Variants in PDZD2 observed in about 807,000 individuals in gnomAD.
PDZD2 encodes the protein PDZ domain containing 2.
In PDZD2, 90 loss-of-function variants were observed where a neutral mutation model predicts 220.7. The ratio of observed to expected loss-of-function variants is 0.41; its 90% CI spans 0.34 to 0.49. The LOEUF is 0.49. PDZD2 is among the 20% of genes least tolerant of loss of function. The probability of loss-of-function intolerance (pLI) is 0.28; values close to 1 mark genes in which losing one functional copy is unlikely to be tolerated. For missense variants in PDZD2, 3,174 were observed against 3,608.5 expected, an observed-to-expected ratio of 0.88 and a Z score of 3.08; for synonymous variants, 1,375 against 1,450.5, an observed-to-expected ratio of 0.95 and a Z score of 1.18.
In PDZD2 at chr5:32,097,173, G is replaced by T. The variant is rs536658364; in HGVS notation, c.7846-106G>T. On this transcript the variant is annotated intron_variant, in intron 21 of 24. Coordinates refer to ENST00000438447, the MANE Select transcript of PDZD2 (RefSeq NM_178140.4). ...CCTGTGGTGAAAAGCCCCTCCAAGAGGACTGACATCAGAGCTTCCTTACTC... is the reference window on the plus strand; with the variant it reads ...CCTGTGGTGAAAAGCCCCTCCAAGATGACTGACATCAGAGCTTCCTTACTC... 1.0e-4 allele frequency: 76 copies of T among 746,798 alleles called. 1 individual carries two copies. In the South Asian group the frequency reaches 1.2e-3, roughly 12 times the overall value. The allele number at this position is 746,798 out of a possible 1,614,324, so 46.3% of individuals were successfully genotyped here.
At chr5:31,667,655 G>A (rs1485290624) in intron 1 of PDZD2, among the ~76,000 whole-genome samples, 1 of 151,798 alleles carries the variant, frequency 6.6e-6, no homozygotes, top group Admixed American at 6.6e-5. Context: ...TGCCCACGGT[G>A]ATGGAATGGG....
At chr5:31,861,008 A>C (rs531942168) in intron 2 of PDZD2, among the ~76,000 whole-genome samples, 2 of 152,318 alleles carry the variant, frequency 1.3e-5, no homozygotes, top group South Asian at 4.1e-4. Flanking sequence ...CATAGGAAAG[A>C]GCTCGCTATC....
intron 1 of PDZD2, among the ~76,000 whole-genome samples, chr5:31,649,211 TC>T (rs910216600): frequency 1.3e-5 from 2 of 152,008 alleles, no homozygotes; most frequent in Non-Finnish European, 1.5e-5. Context: ...GTCGTATCAC[TC>T]CCTGGCTTAA....
chr5:31,756,192 G>A lies in PDZD2; in HGVS notation c.-360-42697G>A, dbSNP rs554360900. On this transcript the variant is annotated intron_variant, in intron 1 of 24. Coordinates refer to ENST00000438447, the MANE Select transcript of PDZD2 (RefSeq NM_178140.4). ...CCCTCCAGGACCCGGGGGTGCCTGTGCCTGGCTCCAGGTCATGCACTCACC... is the reference window on the plus strand; with the variant it reads ...CCCTCCAGGACCCGGGGGTGCCTGTACCTGGCTCCAGGTCATGCACTCACC... 3.4e-3 allele frequency among the ~76,000 whole-genome samples: 520 copies of A among 152,262 alleles called. 2 individuals carry two copies. Among genetic ancestry groups the A allele is most frequent in the Middle Eastern group, 6.8e-3 (2 of 292 alleles).
chr5:32,022,377 T>TG (rs1343246961), intron 6 of PDZD2, among the ~76,000 whole-genome samples: 3 of 150,760 alleles, frequency 2.0e-5, no homozygotes, highest in Admixed American at 6.6e-5. Flanking sequence ...TTTTTTTTTT[T>TG]TTGTATTTTA....
At chr5:32,068,056 T>C (rs1401251147) in intron 14 of PDZD2, among the ~76,000 whole-genome samples, 1 of 151,998 alleles carries the variant, frequency 6.6e-6, no homozygotes, top group Non-Finnish European at 1.5e-5. Flanking sequence ...AATCAAGAGA[T>C]CAAAGTTATC....
chr5:31,877,887 C>A (rs1298070274), intron 2 of PDZD2, among the ~76,000 whole-genome samples: 1 of 152,074 alleles, frequency 6.6e-6, no homozygotes, highest in African/African-American at 2.4e-5. Context: ...TGGGGTTTCA[C>A]CATATTGGCC....
intron 2 of PDZD2, among the ~76,000 whole-genome samples, chr5:31,821,393 T>A (rs533995377): frequency 0.091 from 7,776 of 85,070 alleles, 731 homozygotes; most frequent in African/African-American, 0.26. Context: ...TATTATTTTT[T>A]TTTTTTGAGA....
chr5:32,018,064 A>G (rs1031086552), intron 6 of PDZD2, among the ~76,000 whole-genome samples: 2 of 152,210 alleles, frequency 1.3e-5, no homozygotes, highest in African/African-American at 2.4e-5. Flanking sequence ...GAGGGGAAAA[A>G]AAGAGCCAGG....
intron 7 of PDZD2, among the ~76,000 whole-genome samples, chr5:32,045,337 T>C (rs952277192): frequency 6.6e-6 from 1 of 152,200 alleles, no homozygotes; most frequent in Non-Finnish European, 1.5e-5. Flanking sequence ...TTTCCTTACT[T>C]CATACCCCTT....
chr5:32,055,815 G>A (rs1035827562), intron 10 of PDZD2, among the ~76,000 whole-genome samples: 2 of 152,108 alleles, frequency 1.3e-5, no homozygotes, highest in African/African-American at 4.8e-5. Flanking sequence ...TTAGAGGAAG[G>A]GTTAACTCCC....
chr5:31,661,719 A>C (rs1745768651), intron 1 of PDZD2, among the ~76,000 whole-genome samples: 1 of 151,896 alleles, frequency 6.6e-6, no homozygotes, highest in Non-Finnish European at 1.5e-5. Flanking sequence ...GGACAGTTTG[A>C]GTAAATGAAA....
At chr5:31,816,287 C>CAAAAAAAA (rs34233316) in intron 2 of PDZD2, among the ~76,000 whole-genome samples, 1 of 99,136 alleles carries the variant, frequency 1.0e-5, no homozygotes, top group African/African-American at 4.2e-5. Flanking sequence ...GACTCCATCT[C>CAAAAAAAA]AAAAAAAAAA....
chr5:32,019,181 GC>G (rs1315042007), intron 6 of PDZD2, among the ~76,000 whole-genome samples: 2 of 109,902 alleles, frequency 1.8e-5, no homozygotes, highest in Non-Finnish European at 3.5e-5. Flanking sequence ...TCACTCTGTT[GC>G]CCAGTCTGGA....
intron 1 of PDZD2, chr5:31,665,068 A>T (rs1745929732): frequency 6.6e-6 from 1 of 152,276 alleles, no homozygotes; most frequent in Admixed American, 6.5e-5. Flanking sequence ...TTTGCCTGCT[A>T]TTTCTGCTAC....
At chr5:31,716,492 A>T (rs1748451986) in intron 1 of PDZD2, among the ~76,000 whole-genome samples, 1 of 152,174 alleles carries the variant, frequency 6.6e-6, no homozygotes, top group Admixed American at 6.5e-5. Flanking sequence ...AGGCAGGGTA[A>T]GCAGGTTTAG....
At chr5:31,788,658 T>A (rs1753524743) in intron 1 of PDZD2, among the ~76,000 whole-genome samples, 1 of 101,574 alleles carries the variant, frequency 9.8e-6, no homozygotes, top group Non-Finnish European at 2.1e-5. Flanking sequence ...AAAGTGAGAC[T>A]CTGTCTCAAA....
At chr5:31,885,158 C>CAAAAAAAAAAAAAAAA (rs397978491) in intron 2 of PDZD2, among the ~76,000 whole-genome samples, 1 of 105,260 alleles carries the variant, frequency 9.5e-6, no homozygotes, top group African/African-American at 3.7e-5. Context: ...GTGCAAACGG[C>CAAAAAAAAAAAAAAAA]AAAAAAAAAA....
intron 1 of PDZD2, among the ~76,000 whole-genome samples, chr5:31,775,006 A>G (rs911873385): frequency 2.6e-5 from 4 of 152,218 alleles, no homozygotes; most frequent in African/African-American, 9.6e-5. Flanking sequence ...CATGATGTCA[A>G]CCAGCTTGCA....
Sources: allele counts gnomAD v4.1 joint callset (sites outside exome capture counted in the v4.1 genomes callset), GRCh38; gene constraint gnomAD v4.1.1; transcripts MANE v1.5; gene names NCBI Gene and HGNC (gene_info 2026-07-23, HGNC 2026-07-21).